Variants in KIAA1328 observed in about 807,000 individuals in gnomAD.
KIAA1328 encodes protein hinderin.
Under a neutral mutation model 68.1 loss-of-function variants are expected in KIAA1328, and 52 were observed. The observed-to-expected ratio is 0.76, with a 90% CI of 0.61 to 0.96. The LOEUF (loss-of-function observed/expected upper bound fraction) is 0.96, where lower values mean the gene tolerates loss of function less well. Among genes scored for constraint, KIAA1328 ranks in the 40% least tolerant of loss-of-function variants. KIAA1328 has a pLI of 0.00. For missense variants in KIAA1328, 641 were observed against 677.6 expected, an observed-to-expected ratio of 0.95 and a Z score of 0.60; for synonymous variants, 232 against 239.4, an observed-to-expected ratio of 0.97 and a Z score of 0.28.
intron 6 of KIAA1328, among the ~76,000 whole-genome samples, chr18:36,962,883 A>G (rs955232415): frequency 6.6e-6 from 1 of 152,234 alleles, no homozygotes; most frequent in South Asian, 2.1e-4. Flanking sequence ...TCTAAAATTG[A>G]CACCCTAACT....
chr18:37,218,055 A>G (rs1354640313), intron 9 of KIAA1328, among the ~76,000 whole-genome samples: 2 of 152,244 alleles, frequency 1.3e-5, no homozygotes, highest in Non-Finnish European at 2.9e-5. Flanking sequence ...TAGGTTTAGG[A>G]AGGGGAGGGG....
At position 37,158,695 on chromosome 18, in the gene KIAA1328, G is replaced by T. The variant is rs73948834; in HGVS notation, c.1233-1505G>T. ...GAAATTAGAAGCCAAGTTTCCAGTTGTGATGGAGGATTACCAAGGTGGAAT... is the reference window on the plus strand; with the variant it reads ...GAAATTAGAAGCCAAGTTTCCAGTTTTGATGGAGGATTACCAAGGTGGAAT... On this transcript the variant is annotated intron_variant, in intron 7 of 9. Coordinates refer to ENST00000280020, the MANE Select transcript of KIAA1328 (RefSeq NM_020776.3). Among the ~76,000 whole-genome samples the T allele has an allele frequency of 2.8e-3, 427 of 152,284 alleles. 3 individuals carry two copies. The highest frequency in any genetic ancestry group is 9.8e-3 in the African/African-American group (406 of 41,552).
At chr18:37,193,645 C>T (rs181452078) in intron 9 of KIAA1328, 1 of 702,604 alleles carries the variant, frequency 1.4e-6, no homozygotes, top group Non-Finnish European at 2.6e-6. Flanking sequence ...TCATATTGTT[C>T]TCCTAGACAA....
intron 5 of KIAA1328, among the ~76,000 whole-genome samples, chr18:36,927,565 G>A (rs2050162958): frequency 6.6e-6 from 1 of 152,042 alleles, no homozygotes; most frequent in Non-Finnish European, 1.5e-5. Context: ...TGGGCAATAG[G>A]GCGAAACTTC....
chr18:37,020,865 G>T (rs181283262), intron 6 of KIAA1328, among the ~76,000 whole-genome samples: 1 of 152,254 alleles, frequency 6.6e-6, no homozygotes, highest in East Asian at 1.9e-4. Flanking sequence ...TCAGGGAAAA[G>T]TACTTTAGTC....
intron 6 of KIAA1328, among the ~76,000 whole-genome samples, chr18:37,020,867 A>G (rs2054321523): frequency 6.6e-6 from 1 of 152,214 alleles, no homozygotes; most frequent in South Asian, 2.1e-4. Context: ...AGGGAAAAGT[A>G]CTTTAGTCTG....
intron 9 of KIAA1328, among the ~76,000 whole-genome samples, chr18:37,199,511 G>A (rs113854262): frequency 1.2e-3 from 188 of 152,234 alleles, no homozygotes; most frequent in African/African-American, 4.4e-3. Context: ...GGAGCATTTG[G>A]TTGATTCCGT....
chr18:36,836,649 C>T (rs2046684301), intron 3 of KIAA1328, among the ~76,000 whole-genome samples: 1 of 151,924 alleles, frequency 6.6e-6, no homozygotes, highest in African/African-American at 2.4e-5. Flanking sequence ...ATATAAAATT[C>T]ACCTTTTTAA....
intron 6 of KIAA1328, among the ~76,000 whole-genome samples, chr18:36,980,672 A>G (rs1191687301): frequency 2.1e-4 from 32 of 152,110 alleles, no homozygotes; most frequent in Admixed American, 2.0e-3. Flanking sequence ...CTGTGTTCCC[A>G]CCCAAATATT....
intron 7 of KIAA1328, among the ~76,000 whole-genome samples, chr18:37,148,149 C>G (rs912304217): frequency 6.6e-6 from 1 of 152,036 alleles, no homozygotes; most frequent in Non-Finnish European, 1.5e-5. Context: ...TCCCAACAGG[C>G]CCCACGGTGT....
At chr18:37,014,232 G>C (rs2054074009) in intron 6 of KIAA1328, among the ~76,000 whole-genome samples, 1 of 152,102 alleles carries the variant, frequency 6.6e-6, no homozygotes, top group South Asian at 2.1e-4. Flanking sequence ...ACAAATTATG[G>C]ATATTAGACC....
At chr18:37,220,163 C>T (rs755313321) in intron 9 of KIAA1328, among the ~76,000 whole-genome samples, 1 of 152,178 alleles carries the variant, frequency 6.6e-6, no homozygotes, top group Non-Finnish European at 1.5e-5. Flanking sequence ...AGATTTAACT[C>T]TTCATACACA....
intron 7 of KIAA1328, among the ~76,000 whole-genome samples, chr18:37,095,406 T>C (rs1369896588): frequency 6.6e-6 from 1 of 152,098 alleles, no homozygotes; most frequent in Non-Finnish European, 1.5e-5. Flanking sequence ...GGAGTAAGAC[T>C]AGAAGTCAAT....
chr18:37,053,558 A>C (rs1340023889), intron 6 of KIAA1328, among the ~76,000 whole-genome samples: 2 of 152,196 alleles, frequency 1.3e-5, no homozygotes, highest in African/African-American at 4.8e-5. Flanking sequence ...CAGCCTTAAG[A>C]ATAGTATTAG....
chr18:37,215,117 C>G (rs1186931791), intron 9 of KIAA1328, among the ~76,000 whole-genome samples: 1 of 152,200 alleles, frequency 6.6e-6, no homozygotes, highest in African/African-American at 2.4e-5. Flanking sequence ...TTGACTTCCT[C>G]TTTTCCTAAT....
chr18:36,876,272 T>C (rs956160018), intron 4 of KIAA1328, among the ~76,000 whole-genome samples: 2 of 152,138 alleles, frequency 1.3e-5, no homozygotes, highest in Non-Finnish European at 2.9e-5. Context: ...TCTGATAGAA[T>C]TTGGCTGTCA....
At chr18:37,076,582 G>A (rs4799437) in intron 7 of KIAA1328, among the ~76,000 whole-genome samples, 33,853 of 150,450 alleles carry the variant, frequency 0.23, 4,876 homozygotes, top group Non-Finnish European at 0.32. Flanking sequence ...TTGATAGACC[G>A]CTAGCAAGAC....
intron 6 of KIAA1328, among the ~76,000 whole-genome samples, chr18:37,023,328 C>T (rs1057497928): frequency 6.6e-6 from 1 of 152,218 alleles, no homozygotes; most frequent in Admixed American, 6.5e-5. Context: ...GATGCTCCCA[C>T]CTCAGCCCCC....
intron 7 of KIAA1328, among the ~76,000 whole-genome samples, chr18:37,142,718 G>A (rs1234092130): frequency 6.6e-6 from 1 of 151,980 alleles, no homozygotes; most frequent in African/African-American, 2.4e-5. Flanking sequence ...TGGGTTACTT[G>A]AGCTTTATAG....
Sources: gnomAD v4.1 joint callset for allele counts (sites outside exome capture counted in the v4.1 genomes callset) on GRCh38, gnomAD v4.1.1 for gene constraint, MANE v1.5 for transcripts, NCBI Gene and HGNC (gene_info 2026-07-23, HGNC 2026-07-21) for gene names.